MCPH1: variants seen among roughly 807,000 people sequenced by gnomAD.
The protein encoded by MCPH1 is microcephalin 1.
In MCPH1, 104 loss-of-function variants were observed where a neutral mutation model predicts 84.5. The ratio of observed to expected loss-of-function variants is 1.23; its 90% confidence interval spans 1.05 to 1.45. The LOEUF (loss-of-function observed/expected upper bound fraction) is 1.45. Ranked by LOEUF, MCPH1 falls within the 40% of genes most tolerant of loss-of-function variation. The probability of loss-of-function intolerance (pLI) is 0.00; values close to 1 mark genes in which losing one functional copy is unlikely to be tolerated. For missense variants in MCPH1, 1,498 were observed against 1,005.7 expected, an observed-to-expected ratio of 1.49 and a Z score of -6.62; for synonymous variants, 514 against 366.8, an observed-to-expected ratio of 1.40 and a Z score of -4.58.
In MCPH1 at chr8:6,499,911, C is replaced by T. The variant is rs776254429; in HGVS notation, c.2196C>T (p.His732=). 3.7e-6 allele frequency: 6 copies of T among 1,613,682 alleles called. No individual in the cohort carries two copies. Among genetic ancestry groups the T allele is most frequent in the South Asian group, 1.1e-5 (1 of 91,066 alleles). The part of the protein sequence containing the change: ...WISEEPFELS[H]HFPAAPLCRS... ...CTGAGGAGCCGTTCGAACTGTCTCA[C>T]CACTTCCCTGCAGCTCCCGTAAGTC... Residue 732 remains histidine, a synonymous_variant, in exon 12 of 14, where the codon CAC becomes CAT. Transcript: ENST00000344683.
At chr8:6,609,114 C>T (rs970575267) in intron 12 of MCPH1, among the ~76,000 whole-genome samples, 3 of 152,196 alleles carry the variant, frequency 2.0e-5, no homozygotes. Context: ...TCTATGCCAC[C>T]TATCAGACCA....
intron 12 of MCPH1, among the ~76,000 whole-genome samples, chr8:6,556,731 A>T (rs1824677075): frequency 6.6e-6 from 1 of 151,944 alleles, no homozygotes; most frequent in African/African-American, 2.4e-5. Flanking sequence ...CTCCCACCTC[A>T]GCCTCCCAAG....
intron 12 of MCPH1, among the ~76,000 whole-genome samples, chr8:6,556,794 G>A (rs1434132303): frequency 6.6e-6 from 1 of 151,898 alleles, no homozygotes. Flanking sequence ...TCACTCTGTT[G>A]ACCAGGCTGG....
chr8:6,601,253 A>G (rs572912743), intron 12 of MCPH1, among the ~76,000 whole-genome samples: 2 of 152,292 alleles, frequency 1.3e-5, no homozygotes, highest in South Asian at 4.1e-4. Context: ...CATCTCTGGA[A>G]AACAGTTCTC....
rs544176152 is a variant in MCPH1 at position 6,643,472 on chromosome 8, C to A, written c.*423C>A. 1.7e-5 allele frequency: 4 copies of A among 234,470 alleles called. No homozygotes were observed. Among genetic ancestry groups the A allele is most frequent in the Non-Finnish European group, 3.4e-5 (4 of 117,862 alleles). The allele number at this position is 234,470 out of a possible 1,614,324, so 14.5% of individuals were successfully genotyped here. A position where few individuals can be genotyped will look rare whatever the true frequency, so the allele number is the denominator to read the frequency against. On this transcript the variant is annotated 3_prime_UTR_variant, in exon 14 of 14. Transcript: ENST00000344683. ...TAGAGACAGGGTTTCGCCATGTTGG[C>A]CAGGCTGGTCTCAAACGCCTGAGCT...
rs563710404 is a variant in MCPH1, at chr8:6,624,906, G to A, written c.2452+3215G>A. 277 of 948,688 alleles carry A rather than the reference G, an allele frequency of 2.9e-4. No homozygotes were observed. The highest frequency in any genetic ancestry group is 3.3e-4 in the Non-Finnish European group (265 of 799,818). The allele number at this position is 948,688 out of a possible 1,614,324, so 58.8% of individuals were successfully genotyped here. The stretch of plus-strand genomic sequence containing the variant: ...TTTTTTTTTTCTGAGATGGAGTCTC[G>A]CTGTGTCACCAGGCTGGAGTGTGCA... On this transcript the variant is annotated intron_variant, in intron 13 of 13. Transcript: ENST00000344683.
intron 8 of MCPH1, chr8:6,446,676 A>G: frequency 1.0e-6 from 1 of 984,924 alleles, no homozygotes; most frequent in Non-Finnish European, 1.2e-6. Context: ...GGTAGTTAAG[A>G]ATATCCTGTT....
intron 9 of MCPH1, among the ~76,000 whole-genome samples, chr8:6,460,592 C>G (rs566589035): frequency 6.6e-6 from 1 of 152,232 alleles, no homozygotes; most frequent in East Asian, 1.9e-4. Flanking sequence ...ACATATTATG[C>G]ATATTTCTTT....
At chr8:6,619,646 A>G (rs1831204568) in intron 12 of MCPH1, among the ~76,000 whole-genome samples, 1 of 149,748 alleles carries the variant, frequency 6.7e-6, no homozygotes, top group Admixed American at 6.6e-5. Context: ...GTGCAGTGGC[A>G]CAATCTCAGC....
intron 3 of MCPH1, among the ~76,000 whole-genome samples, chr8:6,423,271 T>A (rs1800532219): frequency 2.0e-5 from 3 of 147,712 alleles, no homozygotes; most frequent in Non-Finnish European, 4.5e-5. Context: ...CTCACTGCAT[T>A]CTCCTGCCTC....
chr8:6,488,184 G>A (rs1277620887), intron 11 of MCPH1, among the ~76,000 whole-genome samples: 1 of 152,242 alleles, frequency 6.6e-6, no homozygotes, highest in Non-Finnish European at 1.5e-5. Flanking sequence ...CTGGGAGCAT[G>A]GGAAGCAGGC....
chr8:6,488,882 A>G (rs1476491902), intron 11 of MCPH1, among the ~76,000 whole-genome samples: 1 of 152,052 alleles, frequency 6.6e-6, no homozygotes, highest in Non-Finnish European at 1.5e-5. Context: ...GGCTGTGTCT[A>G]GAGGGGGGGT....
intron 12 of MCPH1, among the ~76,000 whole-genome samples, chr8:6,569,855 G>C (rs922335992): frequency 2.0e-5 from 3 of 152,204 alleles, no homozygotes; most frequent in Non-Finnish European, 4.4e-5. Context: ...CACTGCCAGA[G>C]ACTCTTAGCG....
chr8:6,610,983 C>T (rs959918692), intron 12 of MCPH1, among the ~76,000 whole-genome samples: 1 of 152,170 alleles, frequency 6.6e-6, no homozygotes, highest in African/African-American at 2.4e-5. Flanking sequence ...CACCTCTACT[C>T]AGATGTCTCC....
intron 9 of MCPH1, among the ~76,000 whole-genome samples, chr8:6,466,919 C>T (rs960672105): frequency 6.6e-6 from 1 of 152,108 alleles, no homozygotes; most frequent in Non-Finnish European, 1.5e-5. Context: ...GTCTTTAACT[C>T]TTCACACTTT....
intron 9 of MCPH1, among the ~76,000 whole-genome samples, chr8:6,468,926 T>G (rs1807346169): frequency 6.6e-6 from 1 of 152,190 alleles, no homozygotes; most frequent in South Asian, 2.1e-4. Context: ...CAGTGGCTCA[T>G]GCTTGTAATC....
intron 7 of MCPH1, among the ~76,000 whole-genome samples, chr8:6,443,870 T>G (rs1803869691): frequency 6.6e-6 from 1 of 152,180 alleles, no homozygotes; most frequent in South Asian, 2.1e-4. Flanking sequence ...TCTCAGGAAA[T>G]GAGTAATCCA....
intron 12 of MCPH1, among the ~76,000 whole-genome samples, chr8:6,528,152 C>G (rs1026605122): frequency 6.6e-6 from 1 of 152,204 alleles, no homozygotes; most frequent in Admixed American, 6.5e-5. Flanking sequence ...CTGCCTCGGC[C>G]TCCCATAGTG....
chr8:6,577,947 G>A (rs565124928), intron 12 of MCPH1, among the ~76,000 whole-genome samples: 1 of 152,206 alleles, frequency 6.6e-6, no homozygotes, highest in African/African-American at 2.4e-5. Context: ...GAGTGTCTGT[G>A]GGGGTAGGTC....
Sources: allele counts gnomAD v4.1 joint callset (sites outside exome capture counted in the v4.1 genomes callset), GRCh38; gene constraint gnomAD v4.1.1; transcripts MANE v1.5; gene names NCBI Gene and HGNC (gene_info 2026-07-23, HGNC 2026-07-21).